ELFN1: variants seen among roughly 807,000 people sequenced by gnomAD.
ELFN1 encodes protein ELFN1.
ELFN1 carries 6 observed loss-of-function variants against 7.6 expected under a neutral mutation model. The observed-to-expected ratio is 0.79, with a 90% CI of 0.43 to 1.56. The LOEUF is 1.56. Among genes scored for constraint, ELFN1 ranks in the 40% most tolerant of loss-of-function variants. The pLI, the probability that ELFN1 is intolerant of heterozygous loss-of-function variation, is 0.01. For synonymous variants in ELFN1, 657 were observed against 588.1 expected, an observed-to-expected ratio of 1.12 and a Z score of -1.70; for missense variants, 1,169 against 1,232.2, an observed-to-expected ratio of 0.95 and a Z score of 0.77.
At chr7:1,712,062 C>T (rs750722982) in intron 3 of ELFN1, among the ~76,000 whole-genome samples, 17 of 152,340 alleles carry the variant, frequency 1.1e-4, no homozygotes, top group Middle Eastern at 6.8e-3. Flanking sequence ...GGTTGGGAGG[C>T]GTGAGCTGGG....
At chr7:1,694,555 G>A (rs968517616) in intron 2 of ELFN1, among the ~76,000 whole-genome samples, 14 of 152,232 alleles carry the variant, frequency 9.2e-5, no homozygotes, top group Admixed American at 5.9e-4. Flanking sequence ...TCAATAGGCC[G>A]GAGCTTATGC....
chr7:1,670,693 C>T lies in ELFN1; in HGVS notation c.-549+339C>T, dbSNP rs1216433823. Among the ~76,000 whole-genome samples the T allele has an allele frequency of 2.6e-5, 4 of 152,188 alleles. No homozygotes were observed. Among genetic ancestry groups the T allele is most frequent in the Non-Finnish European group, 5.9e-5 (4 of 68,020 alleles). ...CTCCCTTCCGTCCCCCTTCGCCGTC[C>T]GCACCCTGCCCGGCGCCCCCCAGAC... is the stretch of plus-strand genomic sequence containing the variant. On this transcript the variant is annotated intron_variant, in intron 1 of 3. Coordinates refer to ENST00000424383, the MANE Select transcript of ELFN1 (RefSeq NM_001128636.4). This position sits in a 1 kb window ranked among gnomAD's most constrained non-coding sequence, Gnocchi z 6.4.
intron 3 of ELFN1, among the ~76,000 whole-genome samples, chr7:1,722,371 AT>A (rs1465152824): frequency 2.7e-5 from 4 of 150,126 alleles, no homozygotes; most frequent in Non-Finnish European, 5.9e-5. Context: ...GATTCAAGCG[AT>A]TCTCCTGCCT....
chr7:1,685,688 T>C (rs1307917788), intron 1 of ELFN1, among the ~76,000 whole-genome samples: 5 of 151,484 alleles, frequency 3.3e-5, no homozygotes, highest in Non-Finnish European at 5.9e-5. Flanking sequence ...GTGTTTTGAG[T>C]CACTATTATT....
intron 3 of ELFN1, among the ~76,000 whole-genome samples, chr7:1,726,207 C>T (rs1157369298): frequency 6.6e-6 from 1 of 152,162 alleles, no homozygotes; most frequent in Non-Finnish European, 1.5e-5. Context: ...GTGGCCACCG[C>T]ACCCAAGCTC....
chr7:1,677,396 A>T (rs1454136150), intron 1 of ELFN1, among the ~76,000 whole-genome samples: 1 of 152,132 alleles, frequency 6.6e-6, no homozygotes, highest in Non-Finnish European at 1.5e-5. Context: ...GGATTCTCAG[A>T]TCTTCATTTG....
At chr7:1,711,523 G>C (rs13310312) in intron 3 of ELFN1, among the ~76,000 whole-genome samples, 4 of 146,620 alleles carry the variant, frequency 2.7e-5, no homozygotes, top group Non-Finnish European at 6.0e-5. Flanking sequence ...GGAGACAGCC[G>C]GAGGCTCAGA....
intron 3 of ELFN1, among the ~76,000 whole-genome samples, chr7:1,730,656 T>C (rs1371981833): frequency 6.6e-6 from 1 of 152,210 alleles, no homozygotes; most frequent in African/African-American, 2.4e-5. Flanking sequence ...CTGCTAGAAA[T>C]AGAACCAGAA....
intron 2 of ELFN1, among the ~76,000 whole-genome samples, chr7:1,691,564 G>A (rs1339624312): frequency 6.6e-6 from 1 of 152,220 alleles, no homozygotes; most frequent in African/African-American, 2.4e-5. Context: ...TCTGAAGGCT[G>A]TGTTAGGCTG....
intron 3 of ELFN1, among the ~76,000 whole-genome samples, chr7:1,728,129 C>A (rs976308810): frequency 7.3e-5 from 11 of 151,390 alleles, no homozygotes; most frequent in Non-Finnish European, 1.3e-4. Context: ...GCCTCTCCTG[C>A]TCCAGGTTGC....
At chr7:1,738,174 GGGCGC>G (rs1192516455) in intron 3 of ELFN1, among the ~76,000 whole-genome samples, 1 of 152,218 alleles carries the variant, frequency 6.6e-6, no homozygotes, top group Non-Finnish European at 1.5e-5. Context: ...AGACCACGGA[GGGCGC>G]GTGGTCCCAT....
intron 3 of ELFN1, among the ~76,000 whole-genome samples, chr7:1,742,488 G>A (rs1157139852): frequency 6.6e-6 from 1 of 152,258 alleles, no homozygotes; most frequent in Non-Finnish European, 1.5e-5. Context: ...GGATGGAGGG[G>A]CTGGCGTGGG....
Position 1,673,109 on chromosome 7 carries a change from G to C in ELFN1, c.-549+2755G>C, listed in dbSNP as rs545901210. ...CGCCCCCCCCCGCTCTTTCCTTTTTGTTTTTGTTGTGGATTTGGTTTCTTC... is the reference window on the plus strand; with the variant it reads ...CGCCCCCCCCCGCTCTTTCCTTTTTCTTTTTGTTGTGGATTTGGTTTCTTC... On this transcript the variant is annotated intron_variant, in intron 1 of 3. Transcript: ENST00000424383. This position sits in a 1 kb window ranked among gnomAD's most constrained non-coding sequence, Gnocchi z 4.7. Among the ~76,000 whole-genome samples the C allele has an allele frequency of 1.7e-4, 25 of 149,950 alleles. No individual in the cohort carries two copies. The South Asian group carries it at 3.8e-3, about 23-fold the overall frequency.
upstream of ELFN1, among the ~76,000 whole-genome samples, chr7:1,666,862 CCA>C (rs1191751288): frequency 6.6e-6 from 1 of 151,868 alleles, no homozygotes; most frequent in Middle Eastern, 3.2e-3. This position sits in a 1 kb window ranked among gnomAD's most constrained non-coding sequence, Gnocchi z 7.9. Context: ...ACCCCCGCCC[CCA>C]CCCCAGCCGG....
At chr7:1,693,819 A>AG (rs1288460546) in intron 2 of ELFN1, 2 of 468,152 alleles carry the variant, frequency 4.3e-6, no homozygotes, top group Non-Finnish European at 8.9e-6. Flanking sequence ...GGGCCTCCCC[A>AG]GGGACGGCTG....
At chr7:1,685,177 G>GA (rs2128578007) in intron 1 of ELFN1, among the ~76,000 whole-genome samples, 1 of 152,164 alleles carries the variant, frequency 6.6e-6, no homozygotes, top group Non-Finnish European at 1.5e-5. Flanking sequence ...TTTCTGATGA[G>GA]AAATCAGCCA....
At position 1,744,974 on chromosome 7, in the gene ELFN1, C is replaced by T. The variant is rs1348432273; in HGVS notation, c.378C>T (p.Gly126=). The T allele has an allele frequency of 1.3e-6, 2 of 1,551,052 alleles. No homozygotes were observed. Among genetic ancestry groups the T allele is most frequent in the African/African-American group, 2.7e-5 (2 of 73,034 alleles). Residue 126 remains glycine (G), a synonymous_variant, in exon 4 of 4, where the codon GGC becomes GGT. Coordinates refer to ENST00000424383, the MANE Select transcript of ELFN1 (RefSeq NM_001128636.4). ...GYNRLRNLTE[G]MLRGLGKLEY... The stretch of plus-strand genomic sequence containing the variant: ...ACCGGCTGCGCAACCTCACGGAGGG[C>T]ATGCTGCGCGGCCTGGGCAAGCTGG...
At chr7:1,667,879 C>G (rs535392178), upstream of ELFN1, among the ~76,000 whole-genome samples, 1,073 of 149,752 alleles carry the variant, frequency 7.2e-3, 13 homozygotes, top group African/African-American at 0.025. This position sits in a 1 kb window ranked among gnomAD's most constrained non-coding sequence, Gnocchi z 8.2. Flanking sequence ...AGCAGGCCGC[C>G]AATCGGCGCG....
chr7:1,671,170 G>GC (rs113308645), intron 1 of ELFN1, among the ~76,000 whole-genome samples: 21,887 of 137,798 alleles, frequency 0.16, 1,822 homozygotes, highest in African/African-American at 0.21. Flanking sequence ...ACCGCACACC[G>GC]CCCCCCCCCC....
Sources: allele counts gnomAD v4.1 joint callset (sites outside exome capture counted in the v4.1 genomes callset), GRCh38; gene constraint gnomAD v4.1.1; non-coding constraint Gnocchi (gnomAD v3.1); transcripts MANE v1.5; gene names NCBI Gene and HGNC (gene_info 2026-07-23, HGNC 2026-07-21).